The following PRKN variants were observed in gnomAD, a reference collection of about 807,000 sequenced individuals.
The protein encoded by PRKN is parkin RBR E3 ubiquitin protein ligase.
PRKN carries 56 observed loss-of-function variants against 59.5 expected under a neutral mutation model. The ratio of observed to expected loss-of-function variants is 0.94; its 90% CI spans 0.76 to 1.18. PRKN has a LOEUF of 1.18. PRKN is among the 50% of genes most tolerant of loss of function. The probability of loss-of-function intolerance (pLI) is 0.00; values close to 1 mark genes in which losing one functional copy is unlikely to be tolerated. For synonymous variants in PRKN, 250 were observed against 222.1 expected (o/e 1.13, Z -1.12); for missense variants, 657 against 596.4 (o/e 1.10, Z -1.06).
chr6:161,666,794 A>G (rs1784742203), intron 7 of PRKN, among the ~76,000 whole-genome samples: 1 of 152,210 alleles, frequency 6.6e-6, no homozygotes, highest in Non-Finnish European at 1.5e-5. Flanking sequence ...CCTGGAAGAA[A>G]GCAGTGAGAG....
At position 161,419,679 on chromosome 6, in the gene PRKN, C is replaced by T. The variant is rs1235933138; in HGVS notation, c.1084-32802G>A. Among the ~76,000 whole-genome samples, 4 of 152,072 alleles carry T rather than the reference C, an allele frequency of 2.6e-5. No homozygotes were observed. Among genetic ancestry groups the T allele is most frequent in the African/African-American group, 7.2e-5 (3 of 41,508 alleles). ...CTGGGATTACAGGCATGAACCACCACGCCCAGCCTCCTCTGACTTTTGTAA... is the reference window on the plus strand; with the variant it reads ...CTGGGATTACAGGCATGAACCACCATGCCCAGCCTCCTCTGACTTTTGTAA... On this transcript the variant is annotated intron_variant, in intron 9 of 11. Coordinates refer to ENST00000366898, the MANE Select transcript of PRKN (RefSeq NM_004562.3). This position sits in a 1 kb window ranked among gnomAD's most constrained non-coding sequence, Gnocchi z 4.1.
intron 1 of PRKN, among the ~76,000 whole-genome samples, chr6:162,561,194 G>A (rs1779824616): frequency 6.6e-6 from 1 of 152,166 alleles, no homozygotes; most frequent in Non-Finnish European, 1.5e-5. Context: ...AGAGCCTTAA[G>A]TATTAAGGGG....
intron 9 of PRKN, among the ~76,000 whole-genome samples, chr6:161,522,596 A>G (rs149634743): frequency 2.0e-5 from 3 of 152,262 alleles, no homozygotes; most frequent in Non-Finnish European, 1.5e-5. Context: ...AGAATGCCCT[A>G]CAGGGCACTG....
chr6:161,724,164 A>G (rs1054698764), intron 7 of PRKN, among the ~76,000 whole-genome samples: 1 of 152,220 alleles, frequency 6.6e-6, no homozygotes, highest in Non-Finnish European at 1.5e-5. Flanking sequence ...ACATGGAATA[A>G]GAGTCCTTAT....
chr6:161,859,433 T>C (rs1793797896), intron 6 of PRKN, among the ~76,000 whole-genome samples: 1 of 151,478 alleles, frequency 6.6e-6, no homozygotes, highest in Admixed American at 6.6e-5. Context: ...TGAAACTCCA[T>C]CTCTACTAAA....
intron 1 of PRKN, among the ~76,000 whole-genome samples, chr6:162,663,252 T>G (rs1287814975): frequency 6.6e-6 from 1 of 152,168 alleles, no homozygotes; most frequent in Non-Finnish European, 1.5e-5. Flanking sequence ...GCACCATTAC[T>G]ATCTCATTTC....
chr6:161,787,834 T>G (rs1372269557), intron 6 of PRKN, among the ~76,000 whole-genome samples: 1 of 152,050 alleles, frequency 6.6e-6, no homozygotes, highest in Admixed American at 6.6e-5. Context: ...TAATCCCAGC[T>G]ACTCAGGAGG....
At chr6:162,607,111 T>C (rs1379628288) in intron 1 of PRKN, among the ~76,000 whole-genome samples, 1 of 152,132 alleles carries the variant, frequency 6.6e-6, no homozygotes, top group African/African-American at 2.4e-5. Flanking sequence ...GGGTGGGGTT[T>C]GAGGTGCCTT....
At chr6:162,423,551 G>C (rs1263769866) in intron 2 of PRKN, among the ~76,000 whole-genome samples, 1 of 152,158 alleles carries the variant, frequency 6.6e-6, no homozygotes, top group African/African-American at 2.4e-5. Context: ...ACAGGGAGTA[G>C]GAGAAACCTC....
chr6:161,612,188 G>T (rs1017963422), intron 7 of PRKN, among the ~76,000 whole-genome samples: 2 of 152,198 alleles, frequency 1.3e-5, no homozygotes, highest in Admixed American at 1.3e-4. Context: ...TATAGAAACC[G>T]CAGCAAGTCA....
chr6:162,208,895 A>C (rs922065098), intron 3 of PRKN, among the ~76,000 whole-genome samples: 1 of 152,186 alleles, frequency 6.6e-6, no homozygotes, highest in East Asian at 1.9e-4. Flanking sequence ...GGCTAGCCAT[A>C]TGTAGAAAGC....
rs184335030 is a variant in PRKN at position 162,536,294 on chromosome 6, G to A, written c.8-92821C>T. Among the ~76,000 whole-genome samples, 9 of 152,144 alleles carry A rather than the reference G, an allele frequency of 5.9e-5. No individual in the cohort carries two copies. The East Asian group carries it at 1.8e-3, about 30-fold the overall frequency. ...GTTTCTGGATGCATAAAAATGACAA[G>A]CAGAAGGTGTTATTTTCTATTCTAA... On this transcript the variant is annotated intron_variant, in intron 1 of 11. Transcript: ENST00000366898.
In PRKN at chr6:161,373,691, C is replaced by T. The variant is rs1484066257; in HGVS notation, c.1167+13103G>A. 4.6e-5 allele frequency among the ~76,000 whole-genome samples: 7 copies of T among 151,690 alleles called. No individual in the cohort carries two copies. The highest frequency in any genetic ancestry group is 1.2e-4 in the African/African-American group (5 of 41,280). On this transcript the variant is annotated intron_variant, in intron 10 of 11. Coordinates refer to ENST00000366898, the MANE Select transcript of PRKN (RefSeq NM_004562.3). This position sits in a 1 kb window ranked among gnomAD's most constrained non-coding sequence, Gnocchi z 4.8. ...GTGCTTGCGGGGTGCTGAGTTTAAA[C>T]GGGCTATGCCTCTGTGCTTGCAAGG...
At chr6:161,882,450 C>T (rs1562362547) in intron 6 of PRKN, among the ~76,000 whole-genome samples, 1 of 152,056 alleles carries the variant, frequency 6.6e-6, no homozygotes, top group Non-Finnish European at 1.5e-5. Flanking sequence ...AGCTTCCCTC[C>T]GGGCCTTCCT....
intron 6 of PRKN, among the ~76,000 whole-genome samples, chr6:161,786,971 C>T (rs759145827): frequency 6.6e-6 from 1 of 151,860 alleles, no homozygotes; most frequent in East Asian, 1.9e-4. Flanking sequence ...AAGTTTATGT[C>T]AAACAGGAGA....
At chr6:162,364,805 T>A (rs1785337608) in intron 2 of PRKN, among the ~76,000 whole-genome samples, 1 of 152,128 alleles carries the variant, frequency 6.6e-6, no homozygotes, top group African/African-American at 2.4e-5. Context: ...AGAGTTCAGA[T>A]AAAGATATTT....
chr6:161,817,838 CA>C (rs1791855523), intron 6 of PRKN, among the ~76,000 whole-genome samples: 1 of 152,168 alleles, frequency 6.6e-6, no homozygotes, highest in Non-Finnish European at 1.5e-5. Flanking sequence ...CCAATATTTT[CA>C]AAAAGAACTT....
At chr6:161,969,268 G>GTTTTTTTTTTT (rs61461516) in intron 6 of PRKN, among the ~76,000 whole-genome samples, 2 of 133,986 alleles carry the variant, frequency 1.5e-5, no homozygotes, top group Non-Finnish European at 3.2e-5. Context: ...AGTCTTATTT[G>GTTTTTTTTTTT]TTTTTTTTTT....
At chr6:162,589,359 A>T (rs766816898) in intron 1 of PRKN, among the ~76,000 whole-genome samples, 1 of 152,184 alleles carries the variant, frequency 6.6e-6, no homozygotes, top group Non-Finnish European at 1.5e-5. Flanking sequence ...TTTAAAAAAA[A>T]TAACACTGAT....
Sources: allele counts gnomAD v4.1 joint callset (sites outside exome capture counted in the v4.1 genomes callset), GRCh38; gene constraint gnomAD v4.1.1; non-coding constraint Gnocchi (gnomAD v3.1); transcripts MANE v1.5; gene names NCBI Gene and HGNC (gene_info 2026-07-23, HGNC 2026-07-21).